Variants in ACO2 observed in about 807,000 individuals in gnomAD.
ACO2 encodes the protein aconitase 2, also known as aconitate hydratase, mitochondrial.
A neutral mutation model predicts 84.5 loss-of-function variants in ACO2; 31 were observed. That is an observed-to-expected ratio of 0.37 (90% CI 0.28 to 0.50). The LOEUF (loss-of-function observed/expected upper bound fraction) is 0.50. Among genes scored for constraint, ACO2 ranks in the 20% least tolerant of loss-of-function variants. ACO2 has a pLI of 0.97. For missense variants in ACO2, 685 were observed against 1,029.3 expected, an observed-to-expected ratio of 0.67 and a Z score of 4.58; for synonymous variants, 414 against 412.7, an observed-to-expected ratio of 1.00 and a Z score of -0.04.
intron 1 of ACO2, among the ~76,000 whole-genome samples, chr22:41,482,466 T>C (rs1026195972): frequency 1.3e-5 from 2 of 152,220 alleles, no homozygotes; most frequent in East Asian, 3.9e-4. Flanking sequence ...CACACAGAGA[T>C]GTGTGGGAGG....
chr22:41,492,586 C>T (rs896636523), intron 1 of ACO2, among the ~76,000 whole-genome samples: 3 of 152,120 alleles, frequency 2.0e-5, no homozygotes, highest in African/African-American at 7.2e-5. Flanking sequence ...CCAGCCTGAC[C>T]AACATGGTGA....
At chr22:41,482,801 T>G (rs1172724673) in intron 1 of ACO2, among the ~76,000 whole-genome samples, 1 of 152,164 alleles carries the variant, frequency 6.6e-6, no homozygotes, top group African/African-American at 2.4e-5. Flanking sequence ...GAAAAATTGA[T>G]GTTTAGAGGG....
intron 8 of ACO2, among the ~76,000 whole-genome samples, 190 bp downstream of exon 8, chr22:41,518,762 C>T (rs532288615): frequency 1.9e-3 from 285 of 149,982 alleles, no homozygotes; most frequent in African/African-American, 6.6e-3. Context: ...AGTGAAACCC[C>T]GTCTCTACTA....
In ACO2 at chr22:41,499,844, T is replaced by C. The variant is rs2066341303; in HGVS notation, c.155T>C (p.Ile52Thr). 3 of 1,613,978 alleles carry C rather than the reference T, an allele frequency of 1.9e-6. No homozygotes were observed. The highest frequency in any genetic ancestry group is 3.3e-4 in the Middle Eastern group (2 of 6,082). Residue 52 changes from isoleucine (I) to threonine (T), a missense_variant, in exon 2 of 18, where the codon ATT (isoleucine) becomes ACT (threonine). This residue lies in a region of ACO2 where 98 missense variants were observed against 107.6 expected (regional missense o/e 0.91). Coordinates refer to ENST00000216254, the MANE Select transcript of ACO2 (RefSeq NM_001098.3). Reference sequence around the variant, plus strand: ...CATTATGACCTGCTAGAGAAGAACATTAACATTGTTCGCAAACGGTAAGGC... The same window carrying C: ...CATTATGACCTGCTAGAGAAGAACACTAACATTGTTCGCAAACGGTAAGGC... ...YIHYDLLEKN[I>T]NIVRKRLNRP... is the part of the protein sequence containing the mutation.
rs372526251 is a variant in ACO2 at position 41,516,589 on chromosome 22, C to T, written c.835+672C>T. ...CTGCCACGGGACTGCTCAGTCAGGA[C>T]GTTGGTAACAGGCCCATACCTCCGT... On this transcript the variant is annotated intron_variant, in intron 6 of 17. Coordinates refer to ENST00000216254, the MANE Select transcript of ACO2 (RefSeq NM_001098.3). Among the ~76,000 whole-genome samples the T allele has an allele frequency of 1.1e-4, 17 of 152,188 alleles. No homozygotes were observed. In the East Asian group the frequency reaches 2.5e-3, roughly 22 times the overall value.
chr22:41,481,327 G>A (rs1211102381), intron 1 of ACO2, among the ~76,000 whole-genome samples: 1 of 152,194 alleles, frequency 6.6e-6, no homozygotes, highest in Non-Finnish European at 1.5e-5. Context: ...TCTGTCAGTT[G>A]TTAAAGCAAC....
intron 1 of ACO2, among the ~76,000 whole-genome samples, chr22:41,480,969 A>AT (rs1360326591): frequency 6.6e-6 from 1 of 151,986 alleles, no homozygotes; most frequent in Non-Finnish European, 1.5e-5. Flanking sequence ...ACACAGGCTA[A>AT]TTTTTGTATT....
chr22:41,528,676 T>C lies in ACO2; in HGVS notation c.*63T>C. On this transcript the variant is annotated 3_prime_UTR_variant, in exon 18 of 18. Transcript: ENST00000216254. ...CAGCTCCACGTGTGCCATCAGTGGA[T>C]CCGATCCGTCCAGCCATGGCTTCCT... The C allele has an allele frequency of 6.3e-7, 1 of 1,583,660 alleles. No homozygotes were observed. The highest frequency in any genetic ancestry group is 8.6e-7 in the Non-Finnish European group (1 of 1,167,988).
intron 1 of ACO2, among the ~76,000 whole-genome samples, chr22:41,484,758 C>A (rs1359606303): frequency 6.6e-6 from 1 of 152,102 alleles, no homozygotes; most frequent in African/African-American, 2.4e-5. Flanking sequence ...CATATCATTT[C>A]ATTCCTCACA....
chr22:41,503,513 T>G (rs1368044684), intron 2 of ACO2, among the ~76,000 whole-genome samples: 1 of 152,018 alleles, frequency 6.6e-6, no homozygotes, highest in Non-Finnish European at 1.5e-5. Flanking sequence ...GTATTTTTAG[T>G]AGAGAAGGGG....
rs2066645990 is a variant in ACO2 at position 41,528,265 on chromosome 22, C to T, written c.2209-214C>T. On this transcript the variant is annotated intron_variant, in intron 17 of 17. Transcript: ENST00000216254. ...TCACCAGGACCTGGCACTCAGGGGACAGCCCACCCACTGCAGGACCCTCTG... is the reference window on the plus strand; with the variant it reads ...TCACCAGGACCTGGCACTCAGGGGATAGCCCACCCACTGCAGGACCCTCTG... The T allele has an allele frequency of 3.6e-6, 3 of 840,562 alleles. No homozygotes were observed. The East Asian group carries it at 8.0e-5, about 22-fold the overall frequency. 52.1% of individuals were successfully genotyped at this position (840,562 alleles called of 1,614,324 possible). A position where few individuals can be genotyped will look rare whatever the true frequency, so the allele number is the denominator to read the frequency against.
chr22:41,488,730 A>G (rs943279842), intron 1 of ACO2, among the ~76,000 whole-genome samples: 2 of 152,202 alleles, frequency 1.3e-5, no homozygotes, highest in Non-Finnish European at 2.9e-5. Context: ...CTTCCTTGAT[A>G]CAGATAAATC....
At chr22:41,509,415 C>T (rs1283315460) in intron 3 of ACO2, among the ~76,000 whole-genome samples, 1 of 152,050 alleles carries the variant, frequency 6.6e-6, no homozygotes, top group Non-Finnish European at 1.5e-5. Context: ...GGTGTGGACA[C>T]TAAACAATGG....
chr22:41,512,054 A>AG, intron 4 of ACO2, 86 bp downstream of exon 4: 1 of 926,026 alleles, frequency 1.1e-6, no homozygotes, highest in Non-Finnish European at 1.6e-6. Context: ...TTTGAGGCCC[A>AG]GGGGGGCTGA....
At chr22:41,480,757 G>A (rs1285890414) in intron 1 of ACO2, among the ~76,000 whole-genome samples, 1 of 152,112 alleles carries the variant, frequency 6.6e-6, no homozygotes, top group African/African-American at 2.4e-5. Context: ...TATCATTCTA[G>A]ACTTTTCCTC....
chr22:41,507,375 T>A (rs1464885326), intron 2 of ACO2, among the ~76,000 whole-genome samples: 3 of 152,226 alleles, frequency 2.0e-5, no homozygotes, highest in African/African-American at 7.2e-5. Flanking sequence ...GTGAACTTGG[T>A]CACTCTCCTG....
In ACO2 at chr22:41,528,782, T is replaced by TTAAAA; in HGVS notation, c.*173_*177dup. 4 of 961,924 alleles carry TTAAAA rather than the reference T, an allele frequency of 4.2e-6. No individual in the cohort carries two copies. Among genetic ancestry groups the TTAAAA allele is most frequent in the Non-Finnish European group, 5.9e-6 (4 of 675,960 alleles). 59.6% of individuals were successfully genotyped at this position (961,924 alleles called of 1,614,324 possible). ...GACTGTGGTTGTGGTGGGGGGGTTC[T>TTAAAA]TAAAATAACTTTTTAGCCCCCGTCT... On this transcript the variant is annotated 3_prime_UTR_variant, in exon 18 of 18. Coordinates refer to ENST00000216254, the MANE Select transcript of ACO2 (RefSeq NM_001098.3).
intron 2 of ACO2, among the ~76,000 whole-genome samples, chr22:41,506,922 C>T (rs1463375728): frequency 3.3e-5 from 5 of 151,684 alleles, no homozygotes; most frequent in African/African-American, 4.9e-5. Flanking sequence ...TGGGTGCAGC[C>T]GGGAGTCAGC....
Position 41,528,402 on chromosome 22 carries a change from T to C in ACO2, c.2209-77T>C, listed in dbSNP as rs186658127. 1.9e-6 allele frequency: 3 copies of C among 1,564,622 alleles called. No homozygotes were observed. In the African/African-American group the frequency reaches 4.1e-5, roughly 21 times the overall value. ...CCTCTTAGGTCCCCAGGCAGTGCCC[T>C]GTCTCCCTGACCCCCCTGCGGGGCC... On this transcript the variant is annotated intron_variant, in intron 17 of 17. Transcript: ENST00000216254.
Sources: allele counts gnomAD v4.1 joint callset (sites outside exome capture counted in the v4.1 genomes callset), GRCh38; gene constraint gnomAD v4.1.1; regional missense constraint gnomAD v4.1.1; transcripts MANE v1.5; gene names NCBI Gene and HGNC (gene_info 2026-07-23, HGNC 2026-07-21).